The following HABP2 variants were observed in gnomAD, a reference collection of about 807,000 sequenced individuals.
HABP2 encodes hyaluronan binding protein 2.
HABP2 carries 65 observed loss-of-function variants against 66.5 expected under a neutral mutation model. The ratio of observed to expected loss-of-function variants is 0.98; its 90% confidence interval spans 0.80 to 1.20. HABP2 has a LOEUF of 1.20. Ranked by LOEUF, HABP2 falls within the 50% of genes most tolerant of loss-of-function variation. The pLI is 0.00. For synonymous variants in HABP2, 263 were observed against 253.9 expected (o/e 1.04, Z -0.34); for missense variants, 786 against 691.0 (o/e 1.14, Z -1.54).
intron 1 of HABP2, among the ~76,000 whole-genome samples, chr10:113,560,566 A>G (rs780118711): frequency 1.3e-4 from 20 of 152,260 alleles, no homozygotes; most frequent in Non-Finnish European, 2.6e-4. Context: ...AGAAATCTGT[A>G]CACCAATGTT....
Position 113,578,683 on chromosome 10 carries a change from A to G in HABP2, c.625A>G (p.Thr209Ala). ...GYSYRGKMNR[T>A]VNQHACLYWN... is the part of the protein sequence containing the mutation. ...CTCTTACCGAGGGAAAATGAATAGGACAGTCAACCAGCATGCGTGCCTTTA... is the reference window on the plus strand; with the variant it reads ...CTCTTACCGAGGGAAAATGAATAGGGCAGTCAACCAGCATGCGTGCCTTTA... The change falls in exon 7 of 13, where the codon ACA becomes GCA. Residue 209 changes from threonine to alanine, a missense_variant. By Grantham distance (58) the Thr-to-Ala change is moderately conservative. Transcript: ENST00000351270. The G allele has an allele frequency of 6.2e-7, 1 of 1,611,280 alleles. No homozygotes were observed. The highest frequency in any genetic ancestry group is 1.1e-5 in the South Asian group (1 of 90,976).
In HABP2 at chr10:113,553,064, G is replaced by T; in HGVS notation, c.-58G>T. ...AGACTGACATTTTTCCCCCCTAAAG[G>T]CATAGACAACAAAAGAAATTTTATT... is the stretch of plus-strand genomic sequence containing the variant. On this transcript the variant is annotated 5_prime_UTR_variant, in exon 1 of 13. Transcript: ENST00000351270. 1.6e-6 allele frequency: 2 copies of T among 1,269,930 alleles called. No individual in the cohort carries two copies. Among genetic ancestry groups the T allele is most frequent in the Non-Finnish European group, 2.3e-6 (2 of 866,654 alleles). The allele number at this position is 1,269,930 out of a possible 1,614,324, so 78.7% of individuals were successfully genotyped here. A position where few individuals can be genotyped will look rare whatever the true frequency, so the allele number is the denominator to read the frequency against.
At chr10:113,559,396 T>C (rs1317912751) in intron 1 of HABP2, among the ~76,000 whole-genome samples, 1 of 152,236 alleles carries the variant, frequency 6.6e-6, no homozygotes, top group Non-Finnish European at 1.5e-5. Flanking sequence ...AATAAAACAT[T>C]GGAATTGGGA....
At position 113,588,771 on chromosome 10, in the gene HABP2, C is replaced by A. The variant is rs1375790429; in HGVS notation, c.*402C>A. 2 of 581,916 alleles carry A rather than the reference C, an allele frequency of 3.4e-6. No homozygotes were observed. Among genetic ancestry groups the A allele is most frequent in the East Asian group, 2.8e-5 (1 of 35,522 alleles). 36.0% of individuals were successfully genotyped at this position (581,916 alleles called of 1,614,324 possible). On this transcript the variant is annotated 3_prime_UTR_variant, in exon 13 of 13. Transcript: ENST00000351270. The stretch of plus-strand genomic sequence containing the variant: ...CAGCCCAGACACTCGAGGCACTCAA[C>A]AGAATCAGCCATCCACGTCTAGGTA...
chr10:113,582,017 G>A lies in HABP2; in HGVS notation c.980G>A (p.Trp327Ter). Residue 327 changes from tryptophan (W) to a stop codon, truncating the protein, a stop_gained, in exon 9 of 13, where the codon TGG (tryptophan) becomes TAG (stop). Transcript: ENST00000351270. LOFTEE classifies it high-confidence loss of function. ...GFKSTAGKHP[W>*]QASLQSSLPL... ...AAGAGCACGGCGGGCAAGCACCCAT[G>A]GCAGGCGTCCCTCCAGTCCTCGCTG... 1 of 1,614,196 alleles carries A rather than the reference G, an allele frequency of 6.2e-7. No homozygotes were observed. The highest frequency in any genetic ancestry group is 8.5e-7 in the Non-Finnish European group (1 of 1,180,030).
Position 113,579,082 on chromosome 10 carries a change from C to A in HABP2, c.740+284C>A, listed in dbSNP as rs1475144626. ...GGCCAGCCTGAGCAAAATGGCAAAA[C>A]CCCGTCTCTACCAAAAAAAAAAAAA... is the stretch of plus-strand genomic sequence containing the variant. On this transcript the variant is annotated intron_variant, in intron 7 of 12. Coordinates refer to ENST00000351270, the MANE Select transcript of HABP2 (RefSeq NM_004132.5). Among the ~76,000 whole-genome samples the A allele has an allele frequency of 3.4e-5, 5 of 148,548 alleles. No homozygotes were observed. In the East Asian group the frequency reaches 6.1e-4, roughly 18 times the overall value.
upstream of HABP2, chr10:113,552,923 C>T (rs952665163): frequency 1.3e-5 from 7 of 523,834 alleles, no homozygotes; most frequent in African/African-American, 1.1e-4. Context: ...TCAGCCCAGC[C>T]CCAAAGTTGC....
intron 12 of HABP2, among the ~76,000 whole-genome samples, chr10:113,587,877 C>A (rs897539938): frequency 2.0e-5 from 3 of 152,052 alleles, no homozygotes; most frequent in African/African-American, 4.8e-5. Flanking sequence ...GCCTTGGAGT[C>A]CCCAACCTCC....
rs1018695527 is a variant in HABP2, at chr10:113,589,313, C to T, written c.*944C>T. 5.2e-6 allele frequency: 3 copies of T among 576,448 alleles called. No individual in the cohort carries two copies. In the African/African-American group the frequency reaches 5.6e-5, roughly 11 times the overall value. 35.7% of individuals were successfully genotyped at this position (576,448 alleles called of 1,614,324 possible). ...TCTTTCTTCTGAACAAAGTAGGGTT[C>T]AAAATGCAGACTGTCATATCCAGCG... is the stretch of plus-strand genomic sequence containing the variant. On this transcript the variant is annotated 3_prime_UTR_variant, in exon 13 of 13. Coordinates refer to ENST00000351270, the MANE Select transcript of HABP2 (RefSeq NM_004132.5).
chr10:113,585,687 T>G, intron 11 of HABP2, 106 bp from the exon 12 acceptor site: 4 of 833,308 alleles, frequency 4.8e-6, no homozygotes, highest in Non-Finnish European at 8.2e-6. Context: ...CCTTCCCTTC[T>G]GAGCTAAGAG....
chr10:113,586,718 C>A (rs1375199197), intron 12 of HABP2, among the ~76,000 whole-genome samples: 1 of 152,148 alleles, frequency 6.6e-6, no homozygotes, highest in African/African-American at 2.4e-5. Context: ...CCCAGGAACA[C>A]CTCCATTTAG....
chr10:113,553,383 G>A (rs537972725), intron 1 of HABP2, among the ~76,000 whole-genome samples, 193 bp downstream of exon 1: 2 of 152,364 alleles, frequency 1.3e-5, no homozygotes, highest in East Asian at 3.9e-4. Context: ...GGGAACAGGT[G>A]TCTGACTTGA....
chr10:113,577,952 G>T, intron 5 of HABP2, 74 bp from the exon 6 acceptor site: 1 of 1,560,770 alleles, frequency 6.4e-7, no homozygotes. Flanking sequence ...TGCCACCAAT[G>T]TCTCCTTGTC....
intron 1 of HABP2, among the ~76,000 whole-genome samples, chr10:113,559,647 C>A (rs995399201): frequency 6.6e-6 from 1 of 152,230 alleles, no homozygotes; most frequent in Non-Finnish European, 1.5e-5. Flanking sequence ...CCCCAGGGAT[C>A]TGTATTTTTA....
At chr10:113,551,957 A>C (rs1364090141), upstream of HABP2, among the ~76,000 whole-genome samples, 1 of 152,118 alleles carries the variant, frequency 6.6e-6, no homozygotes, top group Non-Finnish European at 1.5e-5. Flanking sequence ...TATGTGGATA[A>C]AAGAAAATAA....
At chr10:113,587,526 C>T (rs932395395) in intron 12 of HABP2, among the ~76,000 whole-genome samples, 7 of 152,032 alleles carry the variant, frequency 4.6e-5, no homozygotes, top group Non-Finnish European at 8.8e-5. Context: ...ATCACAAGGT[C>T]GTGGCTAAGT....
At chr10:113,559,305 T>C (rs1056030796) in intron 1 of HABP2, among the ~76,000 whole-genome samples, 1 of 152,216 alleles carries the variant, frequency 6.6e-6, no homozygotes, top group Non-Finnish European at 1.5e-5. Flanking sequence ...GAGCCATTTG[T>C]ACAGATATTT....
intron 10 of HABP2, 67 bp from the exon 11 acceptor site, chr10:113,584,081 T>G (rs1845590625): frequency 6.9e-7 from 1 of 1,447,630 alleles, no homozygotes; most frequent in Non-Finnish European, 9.7e-7. Context: ...CATGAGCAAG[T>G]TGGAGCTGGT....
At chr10:113,577,119 A>G (rs551086844) in intron 4 of HABP2, 31 bp from the exon 5 acceptor site, 1 of 1,232,566 alleles carries the variant, frequency 8.1e-7, no homozygotes. Context: ...ATGTGCCCCA[A>G]ATAATGTCTT....
Sources: gnomAD v4.1 joint callset for allele counts (sites outside exome capture counted in the v4.1 genomes callset) on GRCh38, gnomAD v4.1.1 for gene constraint, MANE v1.5 for transcripts, NCBI Gene and HGNC (gene_info 2026-07-23, HGNC 2026-07-21) for gene names.